NALF1: variants seen among roughly 807,000 people sequenced by gnomAD.
The protein encoded by NALF1 is family with sequence similarity 155 member A.
NALF1 carries 3 observed loss-of-function variants against 48.4 expected under a neutral mutation model. The observed-to-expected ratio is 0.06, with a 90% CI of 0.03 to 0.16. The LOEUF is 0.16. Among genes scored for constraint, NALF1 ranks in the 10% least tolerant of loss-of-function variants. The pLI is 1.00. For missense variants in NALF1, 526 were observed against 571.5 expected, an observed-to-expected ratio of 0.92 and a Z score of 0.81; for synonymous variants, 262 against 245.7, an observed-to-expected ratio of 1.07 and a Z score of -0.62.
At chr13:107,316,648 G>A (rs1178581886) in intron 1 of NALF1, among the ~76,000 whole-genome samples, 2 of 152,144 alleles carry the variant, frequency 1.3e-5, no homozygotes, top group East Asian at 3.9e-4. Context: ...CTGATGGCCA[G>A]TGGTGATGAG....
intron 1 of NALF1, among the ~76,000 whole-genome samples, chr13:107,669,772 G>A (rs1010354832): frequency 6.6e-6 from 1 of 152,078 alleles, no homozygotes; most frequent in African/African-American, 2.4e-5. Flanking sequence ...GAAAAGCTAA[G>A]TGCGAGGGCT....
At chr13:107,828,608 C>CTAT (rs1566498122) in intron 1 of NALF1, among the ~76,000 whole-genome samples, 5 of 12,462 alleles carry the variant, frequency 4.0e-4, no homozygotes, top group East Asian at 2.6e-3. Context: ...TATATCTATA[C>CTAT]ACACACACAC....
chr13:107,673,242 T>C (rs1001486876), intron 1 of NALF1, among the ~76,000 whole-genome samples: 3 of 152,146 alleles, frequency 2.0e-5, no homozygotes, highest in Admixed American at 1.3e-4. Context: ...ATTAATTTAA[T>C]GAGATTTAGT....
chr13:107,411,767 T>A (rs547942721), intron 1 of NALF1, among the ~76,000 whole-genome samples: 1 of 152,316 alleles, frequency 6.6e-6, no homozygotes, highest in Non-Finnish European at 1.5e-5. Context: ...AAGTGGGGTC[T>A]GGATCGACTT....
chr13:107,475,907 T>A (rs972689399), intron 1 of NALF1, among the ~76,000 whole-genome samples: 1 of 152,060 alleles, frequency 6.6e-6, no homozygotes, highest in African/African-American at 2.4e-5. Flanking sequence ...CCTCTTTTTT[T>A]CCCCATGGAC....
chr13:107,249,849 CAATT>C (rs1407698560), intron 1 of NALF1, among the ~76,000 whole-genome samples: 2 of 152,066 alleles, frequency 1.3e-5, no homozygotes, highest in Non-Finnish European at 2.9e-5. Flanking sequence ...TGTTGACTAT[CAATT>C]AATCACTTTG....
At chr13:107,588,876 GC>G (rs1878529556) in intron 1 of NALF1, among the ~76,000 whole-genome samples, 1 of 152,034 alleles carries the variant, frequency 6.6e-6, no homozygotes, top group Non-Finnish European at 1.5e-5. Context: ...AAATGGCAAC[GC>G]CACAATTTGT....
At chr13:107,710,484 T>C (rs1040762008) in intron 1 of NALF1, among the ~76,000 whole-genome samples, 14 of 150,554 alleles carry the variant, frequency 9.3e-5, no homozygotes, top group African/African-American at 3.5e-4. Flanking sequence ...AGAGGTTTAA[T>C]TGACTCACAA....
intron 1 of NALF1, among the ~76,000 whole-genome samples, chr13:107,804,413 T>C (rs1172347312): frequency 2.0e-5 from 3 of 151,966 alleles, no homozygotes; most frequent in Non-Finnish European, 2.9e-5. Flanking sequence ...CCATTTTTTT[T>C]TTTTCTCTGA....
chr13:107,292,101 G>A (rs563930445), intron 1 of NALF1, among the ~76,000 whole-genome samples: 4 of 152,296 alleles, frequency 2.6e-5, no homozygotes, highest in African/African-American at 9.6e-5. Context: ...AGGCTATATG[G>A]CATACAGCCC....
intron 1 of NALF1, among the ~76,000 whole-genome samples, chr13:107,522,770 A>AT (rs1198169461): frequency 6.6e-6 from 1 of 151,006 alleles, no homozygotes; most frequent in Non-Finnish European, 1.5e-5. Flanking sequence ...TGCTCGACTA[A>AT]TTTTTCTTTT....
At chr13:107,676,876 G>T (rs145196081) in intron 1 of NALF1, among the ~76,000 whole-genome samples, 1 of 151,932 alleles carries the variant, frequency 6.6e-6, no homozygotes, top group African/African-American at 2.4e-5. Context: ...TCAAAGAAAC[G>T]AAGGAGAATA....
intron 1 of NALF1, among the ~76,000 whole-genome samples, chr13:107,496,847 C>G (rs1196294982): frequency 6.6e-6 from 1 of 152,118 alleles, no homozygotes; most frequent in Non-Finnish European, 1.5e-5. Context: ...GTCATTAGAT[C>G]TTGTGAGACT....
At chr13:107,818,280 G>C (rs1450584903) in intron 1 of NALF1, among the ~76,000 whole-genome samples, 2 of 152,162 alleles carry the variant, frequency 1.3e-5, no homozygotes, top group African/African-American at 2.4e-5. Flanking sequence ...TCCTTTTTAA[G>C]GGATTGGGGG....
chr13:107,629,616 C>T (rs1182265324), intron 1 of NALF1, among the ~76,000 whole-genome samples: 1 of 48,546 alleles, frequency 2.1e-5, no homozygotes, highest in Admixed American at 3.6e-4. Flanking sequence ...GTTGCTCTCT[C>T]TTCTCACTTT....
chr13:107,278,982 A>G (rs539285049), intron 1 of NALF1, among the ~76,000 whole-genome samples: 3 of 150,992 alleles, frequency 2.0e-5, no homozygotes, highest in South Asian at 4.2e-4. Flanking sequence ...AATGTCATCT[A>G]TCCTTAACTG....
chr13:107,309,014 G>C (rs964803849), intron 1 of NALF1, among the ~76,000 whole-genome samples: 1 of 152,136 alleles, frequency 6.6e-6, no homozygotes, highest in Non-Finnish European at 1.5e-5. Flanking sequence ...GATCAAATAC[G>C]TTTTGTCTGC....
intron 1 of NALF1, among the ~76,000 whole-genome samples, chr13:107,405,920 A>G (rs1003810523): frequency 6.6e-6 from 1 of 152,078 alleles, no homozygotes; most frequent in Non-Finnish European, 1.5e-5. Context: ...AAATTCAGCC[A>G]ATATAATTAC....
chr13:107,644,612 A>G (rs1159710651), intron 1 of NALF1, among the ~76,000 whole-genome samples: 2 of 129,974 alleles, frequency 1.5e-5, no homozygotes, highest in Non-Finnish European at 3.3e-5. Flanking sequence ...AAAGACATTT[A>G]GAGTGTGTGT....
Sources: allele counts gnomAD v4.1 joint callset (sites outside exome capture counted in the v4.1 genomes callset), GRCh38; gene constraint gnomAD v4.1.1; transcripts MANE v1.5; gene names NCBI Gene and HGNC (gene_info 2026-07-23, HGNC 2026-07-21).